Variants in UGT1A8 observed in about 807,000 individuals in gnomAD.
UGT1A8 encodes UDP-glucuronosyltransferase 1A8.
In UGT1A8, 39 loss-of-function variants were observed where a neutral mutation model predicts 45.3. That is an observed-to-expected ratio of 0.86 (90% CI 0.67 to 1.12). UGT1A8 has a LOEUF of 1.12. Among genes scored for constraint, UGT1A8 ranks in the 50% most tolerant of loss-of-function variants. The pLI, the probability that UGT1A8 is intolerant of heterozygous loss-of-function variation, is 0.00. For missense variants in UGT1A8, 719 were observed against 664.9 expected (o/e 1.08, Z -0.90); for synonymous variants, 275 against 249.2 (o/e 1.10, Z -0.97).
At chr2:233,648,164 T>C in intron 1 of UGT1A8, 6 of 1,077,880 alleles carry the variant, frequency 5.6e-6, no homozygotes, top group Non-Finnish European at 6.6e-6. Flanking sequence ...TCTCTATTAA[T>C]GAGTTCATCC....
chr2:233,719,683 C>T, intron 1 of UGT1A8: 1 of 1,614,076 alleles, frequency 6.2e-7, no homozygotes, highest in South Asian at 1.1e-5. Context: ...AAGCCACTAT[C>T]TCAGGTCTGT....
chr2:233,750,583 G>C (rs1175695662), intron 1 of UGT1A8: 1 of 151,928 alleles, frequency 6.6e-6, no homozygotes, highest in Non-Finnish European at 1.5e-5. Context: ...TCACAGGCCT[G>C]GAGGCCTAGG....
chr2:233,653,956 G>A (rs754237308), intron 1 of UGT1A8, among the ~76,000 whole-genome samples: 6 of 152,180 alleles, frequency 3.9e-5, no homozygotes, highest in Admixed American at 6.5e-5. Flanking sequence ...CATTATTGAG[G>A]ACATTTCAAC....
chr2:233,623,597 A>G (rs2073049004), intron 1 of UGT1A8, among the ~76,000 whole-genome samples: 1 of 152,184 alleles, frequency 6.6e-6, no homozygotes, highest in Admixed American at 6.6e-5. Flanking sequence ...TAGCCACAAT[A>G]TCATTATCAT....
intron 1 of UGT1A8, among the ~76,000 whole-genome samples, chr2:233,681,721 A>G (rs1192402169): frequency 6.6e-6 from 1 of 152,178 alleles, no homozygotes; most frequent in Non-Finnish European, 1.5e-5. Flanking sequence ...AAAGATGATG[A>G]GTTACTCTTT....
At chr2:233,677,080 A>C (rs1298485853) in intron 1 of UGT1A8, among the ~76,000 whole-genome samples, 1 of 152,144 alleles carries the variant, frequency 6.6e-6, no homozygotes, top group Non-Finnish European at 1.5e-5. Flanking sequence ...AATGTGTGCA[A>C]AAATCCTGCT....
chr2:233,698,522 ATAAAG>A (rs1173933802), intron 1 of UGT1A8, among the ~76,000 whole-genome samples: 1 of 152,236 alleles, frequency 6.6e-6, no homozygotes, highest in Non-Finnish European at 1.5e-5. Context: ...TCGGCAATAC[ATAAAG>A]TAAACAGAAC....
chr2:233,625,986 C>A (rs1023593031), intron 1 of UGT1A8, among the ~76,000 whole-genome samples: 1 of 151,990 alleles, frequency 6.6e-6, no homozygotes, highest in African/African-American at 2.4e-5. Context: ...CCATCCTCAT[C>A]ATCTTCCATT....
intron 1 of UGT1A8, among the ~76,000 whole-genome samples, chr2:233,634,438 G>T (rs2073242359): frequency 6.6e-6 from 1 of 152,096 alleles, no homozygotes. Context: ...TATTGTATGG[G>T]AGCCTAAGTC....
intron 1 of UGT1A8, among the ~76,000 whole-genome samples, chr2:233,632,193 T>C (rs1367899992): frequency 6.6e-6 from 1 of 152,226 alleles, no homozygotes; most frequent in African/African-American, 2.4e-5. Context: ...CATTGGTCTA[T>C]ATATCTGTTT....
At chr2:233,637,134 GGA>G in intron 1 of UGT1A8, 1 of 1,613,950 alleles carries the variant, frequency 6.2e-7, no homozygotes, top group Non-Finnish European at 8.5e-7. Flanking sequence ...TGACTTTCAA[GGA>G]GAGAGTATGG....
chr2:233,744,339 T>G (rs368123082), intron 1 of UGT1A8, among the ~76,000 whole-genome samples: 1 of 151,880 alleles, frequency 6.6e-6, no homozygotes, highest in African/African-American at 2.4e-5. Context: ...TTAGTCTGAC[T>G]GGGGCTGAAG....
chr2:233,721,061 C>T (rs1345947029), intron 1 of UGT1A8, among the ~76,000 whole-genome samples: 1 of 152,076 alleles, frequency 6.6e-6, no homozygotes, highest in Non-Finnish European at 1.5e-5. Flanking sequence ...GTCATATTCA[C>T]TGAATTTATA....
At chr2:233,636,635 G>T in intron 1 of UGT1A8, 1 of 1,614,160 alleles carries the variant, frequency 6.2e-7, no homozygotes, top group Non-Finnish European at 8.5e-7. Context: ...GGGAGTCACT[G>T]GTTCACCATG....
chr2:233,733,997 C>T (rs1054859436), intron 1 of UGT1A8, among the ~76,000 whole-genome samples: 1 of 151,958 alleles, frequency 6.6e-6, no homozygotes, highest in African/African-American at 2.4e-5. Context: ...AGGAGATATA[C>T]CTAATGTTAA....
chr2:233,747,098 T>C (rs1559391803), intron 1 of UGT1A8: 2 of 1,324,344 alleles, frequency 1.5e-6, no homozygotes, highest in Non-Finnish European at 2.1e-6. Flanking sequence ...CACTCTATCT[T>C]CCAATTACAT....
chr2:233,742,980 A>C (rs890471778), intron 1 of UGT1A8: 2 of 228,494 alleles, frequency 8.8e-6, no homozygotes, highest in African/African-American at 4.7e-5. Flanking sequence ...CTTAAGTTTA[A>C]TAAATAGCAA....
At chr2:233,716,556 T>A (rs1435201445) in intron 1 of UGT1A8, among the ~76,000 whole-genome samples, 1 of 152,206 alleles carries the variant, frequency 6.6e-6, no homozygotes, top group Non-Finnish European at 1.5e-5. Context: ...ATATTCCTTT[T>A]TTCATTTTTT....
chr2:233,683,825 T>C lies in UGT1A8; in HGVS notation c.855+65263T>C, dbSNP rs570191336. ...GTAGTCATATTACTAAACTCTCGTATTAGTATGTAAGGTGTATTAAGTATG... is the reference window on the plus strand; with the variant it reads ...GTAGTCATATTACTAAACTCTCGTACTAGTATGTAAGGTGTATTAAGTATG... On this transcript the variant is annotated intron_variant, in intron 1 of 4. Transcript: ENST00000373450. 5.9e-5 allele frequency among the ~76,000 whole-genome samples: 9 copies of C among 152,290 alleles called. No individual in the cohort carries two copies. In the South Asian group the frequency reaches 1.9e-3, roughly 32 times the overall value.
Sources: gnomAD v4.1 joint callset for allele counts (sites outside exome capture counted in the v4.1 genomes callset) on GRCh38, gnomAD v4.1.1 for gene constraint, MANE v1.5 for transcripts, NCBI Gene and HGNC (gene_info 2026-07-23, HGNC 2026-07-21) for gene names.